Variants in HECW1 observed in about 807,000 individuals in gnomAD.
HECW1 encodes HECT, C2 and WW domain containing E3 ubiquitin protein ligase 1.
HECW1 carries 61 observed loss-of-function variants against 182.3 expected under a neutral mutation model. The ratio of observed to expected loss-of-function variants is 0.33; its 90% CI spans 0.27 to 0.41. HECW1 has a LOEUF of 0.41. HECW1 is among the 10% of genes least tolerant of loss of function. HECW1 has a pLI of 1.00. For missense variants in HECW1, 1,739 were observed against 2,108.9 expected (o/e 0.82, Z 3.44); for synonymous variants, 859 against 832.6 (o/e 1.03, Z -0.55).
chr7:43,308,721 C>T (rs903224708), intron 3 of HECW1, among the ~76,000 whole-genome samples: 3 of 151,776 alleles, frequency 2.0e-5, no homozygotes, highest in African/African-American at 7.3e-5. Context: ...TCCTGGGTTC[C>T]AGCAATTCTC....
intron 2 of HECW1, among the ~76,000 whole-genome samples, chr7:43,199,501 C>T (rs964860555): frequency 1.1e-4 from 16 of 152,272 alleles, no homozygotes; most frequent in Admixed American, 3.3e-4. Context: ...TCACCAACCC[C>T]GCTGCATTTT....
intron 3 of HECW1, among the ~76,000 whole-genome samples, chr7:43,291,523 A>G (rs1213015780): frequency 2.0e-5 from 3 of 152,246 alleles, no homozygotes; most frequent in Non-Finnish European, 2.9e-5. Context: ...TTATTCCTTT[A>G]TATTTAGCAG....
At chr7:43,513,603 C>G (rs879820540) in intron 24 of HECW1, among the ~76,000 whole-genome samples, 1 of 151,744 alleles carries the variant, frequency 6.6e-6, no homozygotes, top group East Asian at 1.9e-4. Flanking sequence ...TTGAGACATA[C>G]GAATATGAAT....
At chr7:43,500,103 CTT>C (rs34962349) in intron 19 of HECW1, among the ~76,000 whole-genome samples, 10 of 141,726 alleles carry the variant, frequency 7.1e-5, no homozygotes, top group African/African-American at 7.7e-5. Flanking sequence ...CAAGAACAGT[CTT>C]TTTTTTTTTT....
At position 43,225,292 on chromosome 7, in the gene HECW1, G is replaced by A. The variant is rs548990905; in HGVS notation, c.-31-18583G>A. On this transcript the variant is annotated intron_variant, in intron 2 of 29. Coordinates refer to ENST00000395891, the MANE Select transcript of HECW1 (RefSeq NM_015052.5). ...TACTGGAAAGAGTGTAAAAATAGGT[G>A]AACTGCACAGATGGTGGGAGAATCA... Among the ~76,000 whole-genome samples the A allele has an allele frequency of 3.3e-5, 5 of 152,292 alleles. No individual in the cohort carries two copies. In the South Asian group the frequency reaches 8.3e-4, roughly 25 times the overall value.
At chr7:43,380,962 T>C (rs188778049) in intron 6 of HECW1, among the ~76,000 whole-genome samples, 1 of 152,364 alleles carries the variant, frequency 6.6e-6, no homozygotes, top group Admixed American at 6.5e-5. Context: ...CCACCAGCAG[T>C]GTATGAGAGC....
chr7:43,275,189 G>T (rs1311448245), intron 3 of HECW1, among the ~76,000 whole-genome samples: 2 of 152,108 alleles, frequency 1.3e-5, no homozygotes, highest in South Asian at 4.2e-4. Flanking sequence ...CCAACAAAAA[G>T]TTTACTTGAA....
chr7:43,320,448 G>A (rs977057021), intron 4 of HECW1, among the ~76,000 whole-genome samples, 187 bp from the exon 5 acceptor site: 1 of 152,222 alleles, frequency 6.6e-6, no homozygotes, highest in Non-Finnish European at 1.5e-5. Context: ...GGCGATCCCG[G>A]CATAAAAAGC....
chr7:43,316,810 G>A (rs1243174153), intron 4 of HECW1, among the ~76,000 whole-genome samples: 4 of 2,278 alleles, frequency 1.8e-3, no homozygotes, highest in South Asian at 0.015. Context: ...CTCCCGTCCC[G>A]TCTCCTCCCC....
intron 3 of HECW1, among the ~76,000 whole-genome samples, chr7:43,291,508 T>A (rs1221540022): frequency 6.6e-6 from 1 of 152,380 alleles, no homozygotes; most frequent in East Asian, 1.9e-4. Context: ...GGACATAGAA[T>A]GTACTTATTC....
At chr7:43,244,023 C>A in intron 3 of HECW1, 91 bp downstream of exon 3, 3 of 1,045,570 alleles carry the variant, frequency 2.9e-6, no homozygotes, top group Non-Finnish European at 3.0e-6. Context: ...CAGCCTAGGG[C>A]CATTGCGGTT....
At chr7:43,235,419 T>C (rs1441337111) in intron 2 of HECW1, among the ~76,000 whole-genome samples, 1 of 152,220 alleles carries the variant, frequency 6.6e-6, no homozygotes, top group East Asian at 1.9e-4. Flanking sequence ...AAGGGACTAT[T>C]ATTCTTTAAA....
intron 8 of HECW1, among the ~76,000 whole-genome samples, chr7:43,428,831 A>G (rs550438433): frequency 5.3e-5 from 8 of 152,284 alleles, no homozygotes; most frequent in African/African-American, 1.9e-4. Flanking sequence ...TGTTCATCCA[A>G]TCCTATGCTT....
At chr7:43,552,970 C>G (rs978457629) in intron 28 of HECW1, among the ~76,000 whole-genome samples, 6 of 152,118 alleles carry the variant, frequency 3.9e-5, no homozygotes, top group African/African-American at 1.4e-4. Flanking sequence ...ACATTCCATC[C>G]AGGACCCAGC....
rs188481516 is a variant in HECW1 at position 43,401,224 on chromosome 7, C to T, written c.631+4335C>T. 6.6e-5 allele frequency among the ~76,000 whole-genome samples: 10 copies of T among 152,204 alleles called. No homozygotes were observed. In the East Asian group the frequency reaches 1.2e-3, roughly 18 times the overall value. On this transcript the variant is annotated intron_variant, in intron 7 of 29. Transcript: ENST00000395891. ...AAATAAACTCTAAAAAGTACAATCA[C>T]AGAATTAAAAGCCTTCAAAAGCAGT...
chr7:43,199,054 T>C (rs2152688416), intron 2 of HECW1, among the ~76,000 whole-genome samples: 1 of 152,256 alleles, frequency 6.6e-6, no homozygotes. Context: ...AGAGTCCAAA[T>C]ATCCTGCCTC....
chr7:43,541,132 T>G (rs774981654), intron 24 of HECW1, 31 bp from the exon 25 acceptor site: 4 of 1,528,970 alleles, frequency 2.6e-6, no homozygotes, highest in Admixed American at 3.3e-5. Flanking sequence ...AATTTCCACT[T>G]ACCGATTTCT....
At chr7:43,437,874 G>T in intron 8 of HECW1, 129 bp from the exon 9 acceptor site, 1 of 916,394 alleles carries the variant, frequency 1.1e-6, no homozygotes. Context: ...CAACATTTCT[G>T]AGACCCTTTA....
chr7:43,140,619 G>A (rs368174841), intron 2 of HECW1, among the ~76,000 whole-genome samples: 6 of 152,100 alleles, frequency 3.9e-5, no homozygotes, highest in African/African-American at 1.2e-4. Flanking sequence ...CTTAAATTAC[G>A]TGATTCAATG....
Sources: gnomAD v4.1 joint callset for allele counts (sites outside exome capture counted in the v4.1 genomes callset) on GRCh38, gnomAD v4.1.1 for gene constraint, MANE v1.5 for transcripts, NCBI Gene and HGNC (gene_info 2026-07-23, HGNC 2026-07-21) for gene names.